Variants in GPC6 observed in about 807,000 individuals in gnomAD.
GPC6 encodes the protein glypican 6.
Under a neutral mutation model 55.2 loss-of-function variants are expected in GPC6, and 14 were observed. That is an observed-to-expected ratio of 0.25 (90% confidence interval 0.17 to 0.40). The LOEUF (loss-of-function observed/expected upper bound fraction) is 0.40. GPC6 is among the 10% of genes least tolerant of loss of function. The pLI, the probability that GPC6 is intolerant of heterozygous loss-of-function variation, is 1.00. For synonymous variants in GPC6, 278 were observed against 259.6 expected (o/e 1.07, Z -0.68); for missense variants, 641 against 708.5 (o/e 0.90, Z 1.08).
intron 7 of GPC6, among the ~76,000 whole-genome samples, chr13:94,394,072 A>T (rs1566754420): frequency 6.6e-6 from 1 of 152,254 alleles, no homozygotes; most frequent in Middle Eastern, 3.4e-3. Flanking sequence ...CCAAATTTCC[A>T]TAGGACTCTT....
At chr13:94,197,726 A>G (rs547629102) in intron 4 of GPC6, among the ~76,000 whole-genome samples, 75 of 152,342 alleles carry the variant, frequency 4.9e-4, no homozygotes, top group African/African-American at 1.6e-3. Flanking sequence ...AACAATAACT[A>G]AGAACAAAAG....
intron 2 of GPC6, among the ~76,000 whole-genome samples, chr13:93,717,973 G>GT (rs1312384609): frequency 2.0e-5 from 3 of 151,818 alleles, no homozygotes; most frequent in Admixed American, 2.0e-4. Flanking sequence ...GTATTCCATG[G>GT]TATATATGTG....
chr13:93,240,587 T>A (rs951203541), intron 1 of GPC6, among the ~76,000 whole-genome samples: 3 of 152,068 alleles, frequency 2.0e-5, no homozygotes, highest in Admixed American at 6.6e-5. Context: ...GCTTATTAAA[T>A]TAATTCCACT....
intron 3 of GPC6, among the ~76,000 whole-genome samples, chr13:93,982,956 G>A (rs1880871372): frequency 6.6e-6 from 1 of 152,186 alleles, no homozygotes; most frequent in African/African-American, 2.4e-5. Flanking sequence ...ATCTGTGTCA[G>A]CTCTAGGTGC....
chr13:93,696,711 C>T (rs760322662), intron 2 of GPC6, among the ~76,000 whole-genome samples: 2 of 151,524 alleles, frequency 1.3e-5, no homozygotes, highest in East Asian at 1.9e-4. Flanking sequence ...AACCTCCGCC[C>T]CACCGGGTTC....
At chr13:93,329,286 T>C (rs1879759270) in intron 1 of GPC6, among the ~76,000 whole-genome samples, 1 of 152,116 alleles carries the variant, frequency 6.6e-6, no homozygotes, top group Admixed American at 6.6e-5. Context: ...ACAAACAAAA[T>C]AATTTATGGC....
chr13:93,792,197 C>T (rs1886060900), intron 2 of GPC6, among the ~76,000 whole-genome samples: 1 of 152,252 alleles, frequency 6.6e-6, no homozygotes, highest in Admixed American at 6.5e-5. Flanking sequence ...ATATTCTCAC[C>T]TCTCAGCGTG....
At chr13:94,107,964 T>G (rs1886116170) in intron 4 of GPC6, among the ~76,000 whole-genome samples, 1 of 152,190 alleles carries the variant, frequency 6.6e-6, no homozygotes, top group South Asian at 2.1e-4. Context: ...ACAGCCACTA[T>G]GGAAAACAGT....
intron 2 of GPC6, among the ~76,000 whole-genome samples, chr13:93,820,507 T>C (rs934221276): frequency 2.6e-5 from 4 of 152,070 alleles, no homozygotes; most frequent in African/African-American, 9.7e-5. Flanking sequence ...ATTCTCCTTG[T>C]TTTGTGATGA....
intron 1 of GPC6, among the ~76,000 whole-genome samples, chr13:93,449,565 C>T (rs547574073): frequency 4.6e-5 from 7 of 152,314 alleles, no homozygotes; most frequent in African/African-American, 1.2e-4. Context: ...GCGGTGCTCA[C>T]GCACATAATC....
intron 3 of GPC6, among the ~76,000 whole-genome samples, chr13:93,991,309 C>G (rs979400557): frequency 1.3e-5 from 2 of 152,098 alleles, no homozygotes; most frequent in African/African-American, 4.8e-5. Context: ...TTCTCCTGCT[C>G]TCTTCTAGAA....
At chr13:93,688,543 G>C (rs542576882) in intron 2 of GPC6, among the ~76,000 whole-genome samples, 2 of 152,076 alleles carry the variant, frequency 1.3e-5, no homozygotes, top group Admixed American at 1.3e-4. Flanking sequence ...AGGTGAATGG[G>C]TAAACAAAAT....
intron 2 of GPC6, among the ~76,000 whole-genome samples, chr13:93,626,600 G>A (rs918964196): frequency 6.6e-6 from 1 of 152,146 alleles, no homozygotes; most frequent in East Asian, 1.9e-4. Flanking sequence ...TCAGGAGTTC[G>A]AGACCAGCCT....
chr13:94,094,471 G>C (rs572925151), intron 4 of GPC6, among the ~76,000 whole-genome samples: 1 of 152,058 alleles, frequency 6.6e-6, no homozygotes, highest in Non-Finnish European at 1.5e-5. Context: ...CACATGGTTT[G>C]CTTCAAACTG....
intron 1 of GPC6, among the ~76,000 whole-genome samples, chr13:93,319,827 A>T (rs1035709709): frequency 6.6e-6 from 1 of 152,132 alleles, no homozygotes; most frequent in Non-Finnish European, 1.5e-5. Context: ...TGAGAAAAAT[A>T]CATATGTATT....
intron 1 of GPC6, among the ~76,000 whole-genome samples, chr13:93,475,975 T>TGA (rs1879288928): frequency 6.6e-6 from 1 of 152,026 alleles, no homozygotes; most frequent in African/African-American, 2.4e-5. Flanking sequence ...TTTTTTTTTA[T>TGA]GAGAGAGTAT....
At chr13:93,474,828 T>G (rs555744735) in intron 1 of GPC6, among the ~76,000 whole-genome samples, 1 of 152,204 alleles carries the variant, frequency 6.6e-6, no homozygotes, top group East Asian at 1.9e-4. Context: ...TTCCATTTTT[T>G]AAAGTAATTA....
At chr13:93,743,579 G>A (rs1288021196) in intron 2 of GPC6, among the ~76,000 whole-genome samples, 2 of 151,460 alleles carry the variant, frequency 1.3e-5, no homozygotes, top group Non-Finnish European at 2.9e-5. Context: ...ATTTAAATTT[G>A]CCTGTGATTT....
chr13:93,514,785 G>A (rs1377273208), intron 1 of GPC6, among the ~76,000 whole-genome samples: 2 of 152,130 alleles, frequency 1.3e-5, no homozygotes, highest in African/African-American at 4.8e-5. Flanking sequence ...CTGAATTATT[G>A]AGTGTTCATG....
Sources: allele counts gnomAD v4.1 joint callset (sites outside exome capture counted in the v4.1 genomes callset), GRCh38; gene constraint gnomAD v4.1.1; transcripts MANE v1.5; gene names NCBI Gene and HGNC (gene_info 2026-07-23, HGNC 2026-07-21).